GAB2: variants seen among roughly 807,000 people sequenced by gnomAD.
The protein encoded by GAB2 is GRB2-associated-binding protein 2.
A neutral mutation model predicts 65.5 loss-of-function variants in GAB2; 26 were observed. The ratio of observed to expected loss-of-function variants is 0.40; its 90% CI spans 0.29 to 0.55. The LOEUF (loss-of-function observed/expected upper bound fraction) is 0.55, where lower values mean the gene tolerates loss of function less well. Ranked by LOEUF, GAB2 falls within the 20% of genes least tolerant of loss-of-function variation. The pLI is 0.53. For missense variants in GAB2, 884 were observed against 875.8 expected (o/e 1.01, Z -0.12); for synonymous variants, 321 against 329.6 (o/e 0.97, Z 0.28).
intron 1 of GAB2, among the ~76,000 whole-genome samples, chr11:78,377,197 G>C (rs1457562314): frequency 6.6e-6 from 1 of 152,178 alleles, no homozygotes; most frequent in Non-Finnish European, 1.5e-5. Flanking sequence ...TTCTAGCACT[G>C]CAAGAACAGC....
intron 1 of GAB2, among the ~76,000 whole-genome samples, chr11:78,375,776 AG>A (rs1480070086): frequency 1.3e-5 from 2 of 152,168 alleles, no homozygotes; most frequent in East Asian, 3.8e-4. Context: ...TAAGTTACAG[AG>A]TGCTCTTCAG....
chr11:78,309,368 TACTA>T (rs745408710), intron 1 of GAB2, among the ~76,000 whole-genome samples: 37 of 152,148 alleles, frequency 2.4e-4, no homozygotes, highest in Middle Eastern at 3.4e-3. Flanking sequence ...AGAAATTCCA[TACTA>T]ACTAACAGCC....
intron 1 of GAB2, among the ~76,000 whole-genome samples, chr11:78,399,736 G>GT (rs1327533152): frequency 6.6e-6 from 1 of 152,172 alleles, no homozygotes; most frequent in African/African-American, 2.4e-5. Context: ...GTTAATAAAT[G>GT]TAAGTCAACA....
chr11:78,229,206 G>A (rs1864768188), intron 3 of GAB2, among the ~76,000 whole-genome samples: 1 of 152,128 alleles, frequency 6.6e-6, no homozygotes, highest in South Asian at 2.1e-4. Context: ...AGTGAGTCTG[G>A]AAGGATGAGC....
At chr11:78,355,901 C>T (rs1438136784) in intron 1 of GAB2, among the ~76,000 whole-genome samples, 3 of 151,234 alleles carry the variant, frequency 2.0e-5, no homozygotes, top group Non-Finnish European at 4.4e-5. Flanking sequence ...TGTGGTGGCT[C>T]GTGGCTCATG....
intron 1 of GAB2, among the ~76,000 whole-genome samples, chr11:78,329,781 G>A (rs1011127396): frequency 2.0e-5 from 3 of 152,144 alleles, no homozygotes; most frequent in African/African-American, 7.2e-5. Context: ...TCGCCATATT[G>A]CTACCTGAAA....
intron 1 of GAB2, among the ~76,000 whole-genome samples, chr11:78,370,615 A>G (rs563069432): frequency 1.3e-5 from 2 of 152,274 alleles, no homozygotes; most frequent in Non-Finnish European, 1.5e-5. Context: ...ATGCATCAAC[A>G]AACCCGCTAC....
At chr11:78,229,851 C>T (rs1345464172) in intron 3 of GAB2, among the ~76,000 whole-genome samples, 1 of 152,162 alleles carries the variant, frequency 6.6e-6, no homozygotes, top group African/African-American at 2.4e-5. Flanking sequence ...GGCTTCTTAC[C>T]TCAATCTGGC....
At chr11:78,252,557 C>T (rs2134527740) in intron 2 of GAB2, among the ~76,000 whole-genome samples, 2 of 152,280 alleles carry the variant, frequency 1.3e-5, no homozygotes, top group Middle Eastern at 6.8e-3. Flanking sequence ...ACTCCTCTTC[C>T]TTTGCCTGCC....
At chr11:78,411,835 T>C (rs887621623) in intron 1 of GAB2, among the ~76,000 whole-genome samples, 19 of 151,676 alleles carry the variant, frequency 1.3e-4, no homozygotes, top group Non-Finnish European at 2.5e-4. Context: ...ATTGAGACCA[T>C]CCTGGCCAAC....
At chr11:78,374,386 T>C (rs1023660624) in intron 1 of GAB2, among the ~76,000 whole-genome samples, 9 of 152,206 alleles carry the variant, frequency 5.9e-5, no homozygotes, top group African/African-American at 2.2e-4. Context: ...ACTATGTCTA[T>C]GTAGGACCTT....
At chr11:78,352,137 C>T (rs949306123) in intron 1 of GAB2, among the ~76,000 whole-genome samples, 5 of 152,094 alleles carry the variant, frequency 3.3e-5, no homozygotes, top group South Asian at 2.1e-4. Flanking sequence ...CACTTGAATC[C>T]GGGAGGCGGA....
chr11:78,251,954 C>T (rs1367762117), intron 2 of GAB2, among the ~76,000 whole-genome samples: 2 of 151,958 alleles, frequency 1.3e-5, no homozygotes, highest in Admixed American at 6.5e-5. Context: ...TCATTCAGCA[C>T]TCAAAAATTC....
chr11:78,234,706 C>T (rs1209582258), intron 3 of GAB2, among the ~76,000 whole-genome samples: 3 of 151,196 alleles, frequency 2.0e-5, no homozygotes, highest in Non-Finnish European at 4.4e-5. Context: ...GGTTTTTGTC[C>T]TTTCACCAAT....
At chr11:78,232,385 TAAG>T (rs1864871461) in intron 3 of GAB2, among the ~76,000 whole-genome samples, 1 of 152,224 alleles carries the variant, frequency 6.6e-6, no homozygotes, top group East Asian at 1.9e-4. Context: ...CTTCTTGAAA[TAAG>T]AAGACAGACA....
chr11:78,298,756 A>C (rs1323075740), intron 1 of GAB2, among the ~76,000 whole-genome samples: 1 of 152,210 alleles, frequency 6.6e-6, no homozygotes, highest in Non-Finnish European at 1.5e-5. Context: ...AAAGGTTACC[A>C]GGGAAAACCA....
chr11:78,232,627 A>AT (rs1174175718), intron 3 of GAB2, among the ~76,000 whole-genome samples: 1 of 152,242 alleles, frequency 6.6e-6, no homozygotes, highest in Non-Finnish European at 1.5e-5. Context: ...ATTATCTAGT[A>AT]CTTGAAGGAA....
chr11:78,416,461 C>A (rs1399826628), intron 1 of GAB2, among the ~76,000 whole-genome samples: 1 of 152,204 alleles, frequency 6.6e-6, no homozygotes, highest in East Asian at 1.9e-4. Flanking sequence ...TCTGCCTCTC[C>A]CCCCATGGAC....
At position 78,346,714 on chromosome 11, in the gene GAB2, TATATATA is replaced by T. The variant is rs1446700471; in HGVS notation, c.76-65820_76-65814del. On this transcript the variant is annotated intron_variant, in intron 1 of 9. Coordinates refer to ENST00000361507, the MANE Select transcript of GAB2 (RefSeq NM_080491.3). ...ATATATATATATATATATATATATA[TATATATA>T]ATTTTTTTTTTTTTTAGGAAAAGAA... Among the ~76,000 whole-genome samples, 355 of 88,310 alleles carry T rather than the reference TATATATA, an allele frequency of 4.0e-3. 13 individuals carry two copies. The highest frequency in any genetic ancestry group is 0.016 in the East Asian group (48 of 2,946). 57.9% of individuals were successfully genotyped at this position (88,310 alleles called of 152,430 possible). A position where few individuals can be genotyped will look rare whatever the true frequency, so the allele number is the denominator to read the frequency against.
Sources: gnomAD v4.1 joint callset for allele counts (sites outside exome capture counted in the v4.1 genomes callset) on GRCh38, gnomAD v4.1.1 for gene constraint, MANE v1.5 for transcripts, NCBI Gene and HGNC (gene_info 2026-07-23, HGNC 2026-07-21) for gene names.